The following ATG4B variants were observed in gnomAD, a reference collection of about 807,000 sequenced individuals.
The protein encoded by ATG4B is autophagy related 4B cysteine peptidase.
Under a neutral mutation model 56.6 loss-of-function variants are expected in ATG4B, and 29 were observed. The observed-to-expected ratio is 0.51, with a 90% CI of 0.38 to 0.70. The LOEUF is 0.70. ATG4B is among the 30% of genes least tolerant of loss of function. The probability of loss-of-function intolerance (pLI) is 0.00; values close to 1 mark genes in which losing one functional copy is unlikely to be tolerated. For missense variants in ATG4B, 461 were observed against 515.5 expected (o/e 0.89, Z 1.02); for synonymous variants, 224 against 206.1 (o/e 1.09, Z -0.74).
chr2:241,648,501 C>CT (rs2068129303), intron 1 of ATG4B, among the ~76,000 whole-genome samples: 2 of 150,942 alleles, frequency 1.3e-5, no homozygotes, highest in Non-Finnish European at 2.9e-5. Flanking sequence ...AGGCTGAGAC[C>CT]GGAGAATTGA....
rs181328455 is a variant in ATG4B, at chr2:241,658,197, A to G, written c.459-911A>G. Among the ~76,000 whole-genome samples the G allele has an allele frequency of 1.3e-3, 203 of 152,098 alleles. 1 individual carries two copies. Among genetic ancestry groups the G allele is most frequent in the Non-Finnish European group, 2.4e-3 (160 of 67,974 alleles). On this transcript the variant is annotated intron_variant, in intron 6 of 12. Coordinates refer to ENST00000404914, the MANE Select transcript of ATG4B (RefSeq NM_013325.5). ...TGTGTGGGTGCGTCTTCGGCACTGCATCTGGGCTAGAGGTGGGAGGAGGAA... is the reference window on the plus strand; with the variant it reads ...TGTGTGGGTGCGTCTTCGGCACTGCGTCTGGGCTAGAGGTGGGAGGAGGAA...
chr2:241,657,733 T>A (rs564370167), intron 6 of ATG4B, among the ~76,000 whole-genome samples: 5 of 152,362 alleles, frequency 3.3e-5, no homozygotes, highest in African/African-American at 7.2e-5. Context: ...CAGCCCCATC[T>A]TCTTCTTTCT....
chr2:241,656,635 A>G (rs1173716462), intron 6 of ATG4B, among the ~76,000 whole-genome samples: 1 of 152,222 alleles, frequency 6.6e-6, no homozygotes, highest in Non-Finnish European at 1.5e-5. Context: ...GCACTCAGGC[A>G]CATGGACGGC....
rs765932764 is a variant in ATG4B at position 241,672,277 on chromosome 2, C to CG, written c.*18dup. The CG allele has an allele frequency of 9.0e-6, 14 of 1,562,180 alleles. No individual in the cohort carries two copies. The highest frequency in any genetic ancestry group is 1.2e-5 in the Non-Finnish European group (14 of 1,151,848). ...CCTGTCCCTTTGAAAATCCTGGGGT[C>CG]GGGGGTGGCACCTGTGAGAGCCTGG... is the stretch of plus-strand genomic sequence containing the variant. On this transcript the variant is annotated 3_prime_UTR_variant, in exon 13 of 13. Coordinates refer to ENST00000404914, the MANE Select transcript of ATG4B (RefSeq NM_013325.5).
Position 241,672,495 on chromosome 2 carries a change from G to A in ATG4B, c.*231G>A. The A allele has an allele frequency of 1.7e-6, 1 of 574,182 alleles. No individual in the cohort carries two copies. Among genetic ancestry groups the A allele is most frequent in the Non-Finnish European group, 3.1e-6 (1 of 321,122 alleles). 35.6% of individuals were successfully genotyped at this position (574,182 alleles called of 1,614,324 possible). A position where few individuals can be genotyped will look rare whatever the true frequency, so the allele number is the denominator to read the frequency against. ...CAGGGCCTGTGCATCCGCACGCGGA[G>A]CCGTCTGTTAGGAGCTTCCAGAGTG... On this transcript the variant is annotated 3_prime_UTR_variant, in exon 13 of 13. Coordinates refer to ENST00000404914, the MANE Select transcript of ATG4B (RefSeq NM_013325.5).
At chr2:241,644,818 A>G (rs1163645497) in intron 1 of ATG4B, among the ~76,000 whole-genome samples, 4 of 152,006 alleles carry the variant, frequency 2.6e-5, no homozygotes, top group South Asian at 2.1e-4. Context: ...GCGTGGTGGC[A>G]CACACCTGTA....
chr2:241,653,217 A>G (rs2068274558), intron 3 of ATG4B: 26 of 927,692 alleles, frequency 2.8e-5, no homozygotes, highest in Non-Finnish European at 4.4e-5. Flanking sequence ...CATTTTCTGG[A>G]TGACTTACGG....
In ATG4B at chr2:241,651,164, A is replaced by G; in HGVS notation, c.112+53A>G. The G allele has an allele frequency of 1.9e-6, 3 of 1,570,046 alleles. No individual in the cohort carries two copies. The highest frequency in any genetic ancestry group is 2.6e-6 in the Non-Finnish European group (3 of 1,150,606). ...GTCTGACCGCTTGGCCTGCAGAAGC[A>G]TTTTGTGATCACTGTTCTCTGCTAA... On this transcript the variant is annotated intron_variant, in intron 2 of 12. Coordinates refer to ENST00000404914, the MANE Select transcript of ATG4B (RefSeq NM_013325.5). This position sits in a 1 kb window ranked among gnomAD's most constrained non-coding sequence, Gnocchi z 4.1.
intron 1 of ATG4B, among the ~76,000 whole-genome samples, chr2:241,648,542 C>T (rs2068130754): frequency 6.7e-6 from 1 of 150,336 alleles, no homozygotes; most frequent in South Asian, 2.1e-4. Context: ...CTGCAGTAAG[C>T]TGTGATTACA....
intron 7 of ATG4B, chr2:241,659,575 A>G: frequency 2.9e-6 from 1 of 347,414 alleles, no homozygotes; most frequent in Non-Finnish European, 5.7e-6. Context: ...CATCTCGAGC[A>G]AAGGCACGTC....
In ATG4B at chr2:241,654,620, G is replaced by T; in HGVS notation, c.358G>T (p.Asp120Tyr). The change falls in exon 5 of 13, where the codon GAC (aspartate) becomes TAC (tyrosine). Residue 120 changes from aspartate to tyrosine, a missense_variant. Physicochemically the swap from Asp to Tyr is radical, Grantham distance 160. Coordinates refer to ENST00000404914, the MANE Select transcript of ATG4B (RefSeq NM_013325.5). The stretch of plus-strand genomic sequence containing the variant: ...CCTCAACGCATTCATCGACAGGAAG[G>T]ACAGTTACTACTCCATTCACCAGAT... ...SVLNAFIDRK[D>Y]SYYSIHQIAQ... 6.2e-7 allele frequency: 1 copy of T among 1,600,862 alleles called. No homozygotes were observed. Among genetic ancestry groups the T allele is most frequent in the Non-Finnish European group, 8.5e-7 (1 of 1,173,738 alleles).
intron 7 of ATG4B, among the ~76,000 whole-genome samples, chr2:241,664,452 C>T (rs1209229539): frequency 2.6e-5 from 4 of 152,086 alleles, no homozygotes; most frequent in Non-Finnish European, 5.9e-5. Flanking sequence ...GTGGGAGGAT[C>T]CCATGAGCCT....
At chr2:241,658,462 G>A (rs1023902801) in intron 6 of ATG4B, among the ~76,000 whole-genome samples, 1 of 152,204 alleles carries the variant, frequency 6.6e-6, no homozygotes, top group African/African-American at 2.4e-5. Context: ...GGAGCACCAG[G>A]TCTTTGCTGC....
chr2:241,666,370 C>T (rs1380146975), intron 7 of ATG4B, among the ~76,000 whole-genome samples: 3 of 152,212 alleles, frequency 2.0e-5, no homozygotes, highest in Admixed American at 6.5e-5. Flanking sequence ...CTCAAGTGCA[C>T]GTGGCTTTTT....
chr2:241,661,110 A>C (rs1271176320), intron 7 of ATG4B, among the ~76,000 whole-genome samples: 1 of 152,226 alleles, frequency 6.6e-6, no homozygotes, highest in African/African-American at 2.4e-5. Context: ...GAGTGGAGTC[A>C]GGTCCTGGAA....
At chr2:241,659,083 AT>A in intron 6 of ATG4B, 24 bp from the exon 7 acceptor site, 8 of 1,559,566 alleles carry the variant, frequency 5.1e-6, no homozygotes, top group Non-Finnish European at 7.0e-6. Context: ...ACAAAAGCTT[AT>A]GGTCATTCTC....
chr2:241,671,350 G>A lies in ATG4B; in HGVS notation c.1053G>A (p.Leu351=). ...GAGGTGCCCTGCCCATGTTTGAGCT[G>A]GTGGAGCTGCAGCCTTCACATCTGG... ...LLGGALPMFE[L]VELQPSHLAC... Residue 351 remains leucine, a synonymous_variant, in exon 12 of 13, where the codon CTG becomes CTA. Coordinates refer to ENST00000404914, the MANE Select transcript of ATG4B (RefSeq NM_013325.5). 6.2e-7 allele frequency: 1 copy of A among 1,613,688 alleles called. No individual in the cohort carries two copies. Among genetic ancestry groups the A allele is most frequent in the Non-Finnish European group, 8.5e-7 (1 of 1,179,828 alleles).
chr2:241,651,902 T>C lies in ATG4B; in HGVS notation c.184+567T>C. ...TTAAAAGCCATTCATCATTGTTGTATACCCTGGAGCTGGAAGGAGATGGGG... is the reference window on the plus strand; with the variant it reads ...TTAAAAGCCATTCATCATTGTTGTACACCCTGGAGCTGGAAGGAGATGGGG... On this transcript the variant is annotated intron_variant, in intron 3 of 12. Coordinates refer to ENST00000404914, the MANE Select transcript of ATG4B (RefSeq NM_013325.5). This position sits in a 1 kb window ranked among gnomAD's most constrained non-coding sequence, Gnocchi z 4.1. The C allele has an allele frequency of 7.7e-7, 1 of 1,304,066 alleles. No individual in the cohort carries two copies. Among genetic ancestry groups the C allele is most frequent in the Non-Finnish European group, 1.0e-6 (1 of 988,770 alleles). 80.8% of individuals were successfully genotyped at this position (1,304,066 alleles called of 1,614,324 possible).
intron 10 of ATG4B, 149 bp from the exon 11 acceptor site, chr2:241,670,577 T>G (rs35803955): frequency 4.5e-5 from 34 of 761,100 alleles, no homozygotes; most frequent in Non-Finnish European, 7.6e-5. Context: ...GCTCCGTTCC[T>G]GGCCACAGGA....
Sources: gnomAD v4.1 joint callset for allele counts (sites outside exome capture counted in the v4.1 genomes callset) on GRCh38, gnomAD v4.1.1 for gene constraint, Gnocchi (gnomAD v3.1) non-coding constraint, MANE v1.5 for transcripts, NCBI Gene and HGNC (gene_info 2026-07-23, HGNC 2026-07-21) for gene names.